KRT73: variants seen among roughly 807,000 people sequenced by gnomAD.
KRT73 encodes the protein keratin 73.
In KRT73, 44 loss-of-function variants were observed where a neutral mutation model predicts 47.2. The ratio of observed to expected loss-of-function variants is 0.93; its 90% CI spans 0.73 to 1.20. The LOEUF (loss-of-function observed/expected upper bound fraction) is 1.20. Ranked by LOEUF, KRT73 falls within the 50% of genes most tolerant of loss-of-function variation. The pLI is 0.00. For missense variants in KRT73, 713 were observed against 704.5 expected (o/e 1.01, Z -0.14); for synonymous variants, 285 against 291.3 (o/e 0.98, Z 0.22).
At chr12:52,609,366 C>T (rs904379639) in intron 7 of KRT73, 85 bp from the exon 8 acceptor site, 3 of 1,106,444 alleles carry the variant, frequency 2.7e-6, no homozygotes, top group Admixed American at 1.7e-5. Context: ...CTGGGGATCC[C>T]CAGCCAGACC....
chr12:52,608,220 T>A lies in KRT73; in HGVS notation c.1599A>T (p.Ser533=), dbSNP rs1194123179. The A allele has an allele frequency of 6.2e-7, 1 of 1,612,682 alleles. No individual in the cohort carries two copies. Among genetic ancestry groups the A allele is most frequent in the East Asian group, 2.2e-5 (1 of 44,848 alleles). The stretch of plus-strand genomic sequence containing the variant: ...TTTATCTCATGGTTTTTTTGGTGGG[T>A]GAGCTTAGAGCTAAGGTCTTTCCCT... ...DSQGKTLALS[S]PTKKTMR Residue 533 remains serine (S), a synonymous_variant, in exon 9 of 9, where the codon TCA becomes TCT. Coordinates refer to ENST00000305748, the MANE Select transcript of KRT73 (RefSeq NM_175068.3).
chr12:52,619,935 A>G (rs1173841969), upstream of KRT73, among the ~76,000 whole-genome samples: 1 of 152,106 alleles, frequency 6.6e-6, no homozygotes. Context: ...TATGCCTCTA[A>G]AATTGTTGTA....
chr12:52,615,555 C>T (rs1434356751), intron 2 of KRT73, among the ~76,000 whole-genome samples: 1 of 152,134 alleles, frequency 6.6e-6, no homozygotes, highest in Admixed American at 6.5e-5. Flanking sequence ...GGTTTGAGGT[C>T]TGATTTCCTC....
upstream of KRT73, among the ~76,000 whole-genome samples, chr12:52,620,324 G>C (rs147238879): frequency 2.0e-5 from 3 of 151,822 alleles, no homozygotes; most frequent in Non-Finnish European, 4.4e-5. Context: ...GGCTGGTCTC[G>C]GTCTCCCAAC....
intron 7 of KRT73, 77 bp downstream of exon 7, chr12:52,610,538 C>CGGGGGGGGG: frequency 4.4e-6 from 1 of 225,002 alleles, no homozygotes; most frequent in Non-Finnish European, 9.4e-6. Context: ...CGCCCCCTCC[C>CGGGGGGGGG]CCCCGCCCCC....
At chr12:52,626,016 A>G in the KRT73 span, among the ~76,000 whole-genome samples, 1 of 152,128 alleles carries the variant, frequency 6.6e-6, no homozygotes, top group Non-Finnish European at 1.5e-5. Context: ...ACAGGAGAGA[A>G]GTGGGTGTGT....
At chr12:52,630,329 C>T in the KRT73 span, among the ~76,000 whole-genome samples, 21 of 152,348 alleles carry the variant, frequency 1.4e-4, no homozygotes, top group South Asian at 6.2e-4. Context: ...CCCACCTGCA[C>T]GCCTGGCCCT....
intron 7 of KRT73, chr12:52,609,737 C>T (rs373139553): frequency 3.6e-5 from 6 of 166,240 alleles, no homozygotes; most frequent in African/African-American, 1.4e-4. Context: ...GCTTCGTGTG[C>T]CACCCTTCTG....
Position 52,611,346 on chromosome 12 carries a change from C to A in KRT73, c.985-17G>T, listed in dbSNP as rs777320022. On this transcript the variant is annotated splice_polypyrimidine_tract_variant and intron_variant, in intron 5 of 8. Transcript: ENST00000305748. ...CTCCTGGAACTAGAGGAAAAGGAAC[C>A]AAAGCAAGAACACTGACTCAGGGCT... is the stretch of plus-strand genomic sequence containing the variant. The A allele has an allele frequency of 4.5e-5, 72 of 1,613,768 alleles. No homozygotes were observed. Among genetic ancestry groups the A allele is most frequent in the Non-Finnish European group, 6.0e-5 (71 of 1,179,964 alleles).
chr12:52,614,597 G>A lies in KRT73; in HGVS notation c.801C>T (p.Phe267=), dbSNP rs780078543. 20 of 1,613,954 alleles carry A rather than the reference G, an allele frequency of 1.2e-5. No homozygotes were observed. The highest frequency in any genetic ancestry group is 1.7e-5 in the Non-Finnish European group (20 of 1,179,910). The change falls in exon 4 of 9, where the codon TTC becomes TTT. Residue 267 remains phenylalanine, a synonymous_variant. Coordinates refer to ENST00000305748, the MANE Select transcript of KRT73 (RefSeq NM_175068.3). ...VDALDGEIKF[F]KCLYEGETAQ... ...GCCTTACCCCCTCGTACAGACACTT[G>A]AAGAACTTGATTTCTCCATCCAGGG... is the stretch of plus-strand genomic sequence containing the variant.
the KRT73 span, among the ~76,000 whole-genome samples, chr12:52,630,105 A>T: frequency 0.31 from 46,712 of 152,154 alleles, 7,575 homozygotes; most frequent in African/African-American, 0.4. Context: ...TCTAGAGGGT[A>T]AAGCAGTGCA....
upstream of KRT73, among the ~76,000 whole-genome samples, chr12:52,622,451 C>T (rs373554393): frequency 1.2e-4 from 18 of 152,270 alleles, no homozygotes; most frequent in East Asian, 2.3e-3. Flanking sequence ...CTGCCCCAAA[C>T]TAAAAATAAC....
chr12:52,618,991 T>C (rs1030074064), upstream of KRT73, among the ~76,000 whole-genome samples: 1 of 152,196 alleles, frequency 6.6e-6, no homozygotes, highest in African/African-American at 2.4e-5. Context: ...TGCTTTTATG[T>C]GGTTAAGAAG....
intron 2 of KRT73, 114 bp from the exon 3 acceptor site, chr12:52,615,453 T>C: frequency 1.3e-6 from 1 of 788,314 alleles, no homozygotes; most frequent in African/African-American, 1.7e-5. Context: ...AGAGGTATTA[T>C]TCTATACCTT....
intron 7 of KRT73, 114 bp from the exon 8 acceptor site, chr12:52,609,395 C>T: frequency 1.2e-6 from 1 of 829,740 alleles, no homozygotes; most frequent in Non-Finnish European, 2.1e-6. Context: ...CTTCACGCAC[C>T]CCACACTTGC....
chr12:52,618,505 T>C lies in KRT73; in HGVS notation c.20A>G (p.Tyr7Cys). Residue 7 changes from tyrosine to cysteine, a missense_variant, in exon 1 of 9, where the codon TAC (tyrosine) becomes TGC (cysteine). Coordinates refer to ENST00000305748, the MANE Select transcript of KRT73 (RefSeq NM_175068.3). ...CCCCTTGGCAGCAGCTCCCGACTTG[T>C]AGGTGAATTGGCGGCTCATGGTGGG... MSRQFTYKSGAAAKGGF... is the reference protein window; with the variant it reads MSRQFTCKSGAAAKGGF... 1.2e-6 allele frequency: 2 copies of C among 1,604,106 alleles called. No homozygotes were observed. The highest frequency in any genetic ancestry group is 1.3e-5 in the African/African-American group (1 of 74,570).
rs756263167 is a variant in KRT73, at chr12:52,608,177, A to G, written c.*19T>C. ...GCCAGGGCAAGGCAGACTACTGGGA[A>G]ATGGGCTGTGTTGCACTTTTATCTC... is the stretch of plus-strand genomic sequence containing the variant. On this transcript the variant is annotated 3_prime_UTR_variant, in exon 9 of 9. Coordinates refer to ENST00000305748, the MANE Select transcript of KRT73 (RefSeq NM_175068.3). 6 of 1,597,108 alleles carry G rather than the reference A, an allele frequency of 3.8e-6. No individual in the cohort carries two copies. Among genetic ancestry groups the G allele is most frequent in the South Asian group, 1.1e-5 (1 of 87,710 alleles).
chr12:52,608,714 C>T lies in KRT73; in HGVS notation c.1367-262G>A, dbSNP rs190184275. ...GGCTTTCCCCAGGGGACAGATGATG[C>T]TTGAGCATCAGATAAGCCAGCAGGT... On this transcript the variant is annotated intron_variant, in intron 8 of 8. Coordinates refer to ENST00000305748, the MANE Select transcript of KRT73 (RefSeq NM_175068.3). 1.8e-4 allele frequency among the ~76,000 whole-genome samples: 27 copies of T among 152,302 alleles called. No individual in the cohort carries two copies. In the East Asian group the frequency reaches 4.2e-3, roughly 24 times the overall value.
chr12:52,621,617 A>G (rs1940908596), upstream of KRT73, among the ~76,000 whole-genome samples: 1 of 152,194 alleles, frequency 6.6e-6, no homozygotes, highest in Non-Finnish European at 1.5e-5. Context: ...TTTAAAGATT[A>G]AACAAAAGCT....
Sources: allele counts gnomAD v4.1 joint callset (sites outside exome capture counted in the v4.1 genomes callset), GRCh38; gene constraint gnomAD v4.1.1; transcripts MANE v1.5; gene names NCBI Gene and HGNC (gene_info 2026-07-23, HGNC 2026-07-21).